The following CTBP2 variants were observed in gnomAD, a reference collection of about 807,000 sequenced individuals.
The protein encoded by CTBP2 is C-terminal-binding protein 2.
A neutral mutation model predicts 80.3 loss-of-function variants in CTBP2; 30 were observed. That is an observed-to-expected ratio of 0.37 (90% CI 0.28 to 0.51). CTBP2 has a LOEUF of 0.51. Among genes scored for constraint, CTBP2 ranks in the 20% least tolerant of loss-of-function variants. The pLI is 0.93. For missense variants in CTBP2, 1,212 were observed against 1,375.3 expected, an observed-to-expected ratio of 0.88 and a Z score of 1.88; for synonymous variants, 594 against 587.4, an observed-to-expected ratio of 1.01 and a Z score of -0.16.
At chr10:125,143,485 G>T (rs1858209212) in intron 1 of CTBP2, among the ~76,000 whole-genome samples, 1 of 152,112 alleles carries the variant, frequency 6.6e-6, no homozygotes, top group African/African-American at 2.4e-5. Context: ...TTCAAAAAAA[G>T]AAAAAATTCA....
intron 1 of CTBP2, chr10:125,159,787 G>T (rs2133552127): frequency 6.7e-6 from 1 of 149,454 alleles, no homozygotes; most frequent in South Asian, 2.0e-4. Flanking sequence ...CCGGAGATCC[G>T]GCCGTATTGT....
chr10:125,064,972 A>T (rs1239571649), intron 2 of CTBP2, among the ~76,000 whole-genome samples: 1 of 152,246 alleles, frequency 6.6e-6, no homozygotes, highest in Non-Finnish European at 1.5e-5. Context: ...TAACGAGCAG[A>T]GAATATGCTC....
intron 2 of CTBP2, among the ~76,000 whole-genome samples, chr10:125,039,951 A>G (rs1959208791): frequency 6.6e-6 from 1 of 152,164 alleles, no homozygotes; most frequent in African/African-American, 2.4e-5. Flanking sequence ...GGTTTGGGGT[A>G]TGTGGGATTC....
At chr10:125,158,610 G>A (rs1218618559) in intron 1 of CTBP2, 1 of 152,186 alleles carries the variant, frequency 6.6e-6, no homozygotes, top group African/African-American at 2.4e-5. Context: ...AAAAAAGGGG[G>A]TAAATACACA....
At chr10:125,142,991 T>C (rs1858099669) in intron 1 of CTBP2, among the ~76,000 whole-genome samples, 1 of 152,134 alleles carries the variant, frequency 6.6e-6, no homozygotes, top group East Asian at 1.9e-4. Flanking sequence ...ACATTTACCC[T>C]CAGCACACCC....
At chr10:125,072,498 C>A (rs1038006973) in intron 2 of CTBP2, among the ~76,000 whole-genome samples, 9 of 151,926 alleles carry the variant, frequency 5.9e-5, no homozygotes, top group African/African-American at 1.2e-4. Flanking sequence ...CGCCTGTAAT[C>A]CCAGGTCCTC....
chr10:125,069,591 G>C (rs968799608), intron 2 of CTBP2, among the ~76,000 whole-genome samples: 2 of 152,210 alleles, frequency 1.3e-5, no homozygotes, highest in Non-Finnish European at 2.9e-5. Context: ...TTGCACACCA[G>C]CCTGGGCGAC....
chr10:125,130,597 G>GA (rs1316010266), intron 1 of CTBP2, among the ~76,000 whole-genome samples: 1 of 152,206 alleles, frequency 6.6e-6, no homozygotes, highest in Admixed American at 6.5e-5. Context: ...AGAGGCCCAA[G>GA]AAGCTTTTAA....
chr10:125,057,185 G>A (rs1964108595), intron 2 of CTBP2, among the ~76,000 whole-genome samples: 1 of 152,178 alleles, frequency 6.6e-6, no homozygotes, highest in Non-Finnish European at 1.5e-5. Context: ...CGATGAAAAC[G>A]ACTTCAACAC....
At chr10:125,060,429 CT>C (rs1184251168) in intron 2 of CTBP2, among the ~76,000 whole-genome samples, 1 of 151,512 alleles carries the variant, frequency 6.6e-6, no homozygotes, top group African/African-American at 2.4e-5. Flanking sequence ...TGCATTTTTC[CT>C]TAACTACTGG....
At chr10:125,044,637 G>A (rs1479593756) in intron 2 of CTBP2, among the ~76,000 whole-genome samples, 4 of 152,180 alleles carry the variant, frequency 2.6e-5, no homozygotes, top group South Asian at 2.1e-4. Context: ...GCACAGTGGC[G>A]TGTGCCTCTA....
chr10:125,132,068 C>T (rs2136138780), intron 1 of CTBP2, among the ~76,000 whole-genome samples: 1 of 152,298 alleles, frequency 6.6e-6, no homozygotes, highest in South Asian at 2.1e-4. Flanking sequence ...CCTGGATGAT[C>T]TGACCACTGA....
chr10:125,057,921 C>T (rs1270621987), intron 2 of CTBP2, among the ~76,000 whole-genome samples: 1 of 152,172 alleles, frequency 6.6e-6, no homozygotes, highest in Non-Finnish European at 1.5e-5. Context: ...TTCCTGTCCA[C>T]AGGCCCCCAA....
In CTBP2 at chr10:125,003,066, G is replaced by A; in HGVS notation, c.1872C>T (p.Thr624=). The A allele has an allele frequency of 6.2e-7, 1 of 1,614,054 alleles. No individual in the cohort carries two copies. Among genetic ancestry groups the A allele is most frequent in the Non-Finnish European group, 8.5e-7 (1 of 1,180,032 alleles). ...CCAGGTCCTCCCTGGTGAGGGTGAT[G>A]GTGTGGTACATCATGGCGCCCACGG... The change falls in exon 3 of 9, where the codon ACC becomes ACT. Residue 624 remains threonine, a synonymous_variant. Transcript: ENST00000309035.
At chr10:125,113,693 G>A (rs1212087273) in intron 1 of CTBP2, among the ~76,000 whole-genome samples, 9 of 152,180 alleles carry the variant, frequency 5.9e-5, no homozygotes, top group African/African-American at 7.2e-5. Flanking sequence ...GAAGACAAAC[G>A]TAGCAACATG....
At chr10:125,098,724 CAGAG>C (rs1564914318) in intron 2 of CTBP2, among the ~76,000 whole-genome samples, 41 of 75,692 alleles carry the variant, frequency 5.4e-4, no homozygotes, top group Middle Eastern at 0.017. Flanking sequence ...GAGAGAGAGA[CAGAG>C]AGAGAGAGAG....
chr10:125,091,519 T>A (rs1848757026), intron 2 of CTBP2, among the ~76,000 whole-genome samples: 1 of 152,212 alleles, frequency 6.6e-6, no homozygotes, highest in African/African-American at 2.4e-5. Context: ...ACACCTGTAA[T>A]CCCAGCACTT....
At chr10:125,005,592 C>T (rs1565067748) in intron 1 of CTBP2, 2 of 1,612,678 alleles carry the variant, frequency 1.2e-6, no homozygotes, top group African/African-American at 1.3e-5. Flanking sequence ...CAGCACAAAG[C>T]TGGATACCCC....
chr10:125,117,740 G>T (rs2135994517), intron 1 of CTBP2, among the ~76,000 whole-genome samples: 1 of 152,244 alleles, frequency 6.6e-6, no homozygotes, highest in East Asian at 1.9e-4. Flanking sequence ...CTATTGCCTA[G>T]TAATAAATAA....
Sources: allele counts gnomAD v4.1 joint callset (sites outside exome capture counted in the v4.1 genomes callset), GRCh38; gene constraint gnomAD v4.1.1; transcripts MANE v1.5; gene names NCBI Gene and HGNC (gene_info 2026-07-23, HGNC 2026-07-21).